FBXL18: variants seen among roughly 807,000 people sequenced by gnomAD.
The protein encoded by FBXL18 is F-box and leucine rich repeat protein 18.
FBXL18 carries 36 observed loss-of-function variants against 46.0 expected under a neutral mutation model. The observed-to-expected ratio is 0.78, with a 90% CI of 0.60 to 1.03. The LOEUF (loss-of-function observed/expected upper bound fraction) is 1.03. FBXL18 is among the 50% of genes least tolerant of loss of function. FBXL18 has a pLI of 0.00. For synonymous variants in FBXL18, 557 were observed against 465.3 expected (o/e 1.20, Z -2.54); for missense variants, 977 against 1,004.1 (o/e 0.97, Z 0.36).
In FBXL18 at chr7:5,501,672, G is replaced by C; in HGVS notation, c.597C>G (p.Leu199=). The C allele has an allele frequency of 6.2e-7, 1 of 1,609,256 alleles. No homozygotes were observed. The highest frequency in any genetic ancestry group is 8.5e-7 in the Non-Finnish European group (1 of 1,177,502). Residue 199 remains leucine, a synonymous_variant, in exon 3 of 5, where the codon CTC becomes CTG. Coordinates refer to ENST00000382368, the MANE Select transcript of FBXL18 (RefSeq NM_024963.6). The part of the protein sequence containing the change: ...PCCTSLEKLL[L]YFEILDRTRE... ...GCGTGCGGTCCAGAATCTCGAAGTA[G>C]AGCAGCAGCTTCTCTAGGCTGGTGC...
intron 1 of FBXL18, among the ~76,000 whole-genome samples, chr7:5,507,301 T>C (rs1230757151): frequency 1.3e-5 from 2 of 152,252 alleles, no homozygotes; most frequent in Admixed American, 6.6e-5. Context: ...GAACTCTGAC[T>C]GCGACAGTCC....
intron 4 of FBXL18, among the ~76,000 whole-genome samples, chr7:5,470,428 C>T (rs1201217057): frequency 1.3e-5 from 2 of 152,132 alleles, no homozygotes; most frequent in African/African-American, 4.8e-5. Flanking sequence ...CATCAGAGTT[C>T]CCAAGACACC....
At chr7:5,469,594 A>G (rs1783396884) in intron 4 of FBXL18, among the ~76,000 whole-genome samples, 1 of 151,112 alleles carries the variant, frequency 6.6e-6, no homozygotes, top group Admixed American at 6.6e-5. Flanking sequence ...TGCTGCGTGG[A>G]GATGAGAACG....
chr7:5,469,527 G>A (rs1783395561), intron 4 of FBXL18, among the ~76,000 whole-genome samples: 1 of 152,174 alleles, frequency 6.6e-6, no homozygotes, highest in Admixed American at 6.6e-5. Context: ...GTGTGAATGT[G>A]TGAGCTATCA....
Position 5,477,431 on chromosome 7 carries a change from G to A in FBXL18, c.*4344C>T, listed in dbSNP as rs1014073017. On this transcript the variant is annotated 3_prime_UTR_variant, in exon 5 of 5. Transcript: ENST00000382368. The surrounding 1 kb of genome is among the most constrained non-coding windows in gnomAD (Gnocchi z 4.4). The stretch of plus-strand genomic sequence containing the variant: ...AAGAGCTCTGTAATGCGCCAGGCAC[G>A]GTGGCTCACACCTGTTATCCTAGCA... 1.3e-5 allele frequency among the ~76,000 whole-genome samples: 2 copies of A among 152,092 alleles called. No homozygotes were observed. The highest frequency in any genetic ancestry group is 6.6e-5 in the Admixed American group (1 of 15,258).
At chr7:5,458,786 G>A (rs1019722804) in intron 4 of FBXL18, among the ~76,000 whole-genome samples, 4 of 152,132 alleles carry the variant, frequency 2.6e-5, no homozygotes, top group Non-Finnish European at 5.9e-5. Context: ...ACTTGAACCC[G>A]GAGGCAAACA....
At chr7:5,511,038 T>G (rs1011105949) in intron 1 of FBXL18, among the ~76,000 whole-genome samples, 2 of 152,244 alleles carry the variant, frequency 1.3e-5, no homozygotes, top group African/African-American at 2.4e-5. Flanking sequence ...AACCCTTCCT[T>G]TGTAGAGATG....
At position 5,461,661 on chromosome 7, in the gene FBXL18, C is replaced by T. The variant is rs184151027; in HGVS notation, c.2001-13818G>A. Among the ~76,000 whole-genome samples, 6 of 152,092 alleles carry T rather than the reference C, an allele frequency of 3.9e-5. No individual in the cohort carries two copies. In the East Asian group the frequency reaches 9.7e-4, roughly 25 times the overall value. On this transcript the variant is annotated intron_variant and NMD_transcript_variant, in intron 4 of 6. Coordinates refer to the FBXL18 transcript ENST00000415009. ...CTGTCTCTAAAAGAAACAAAATTGG[C>T]CAGGCGCAGTGGCTCATGCCTGTAA...
At chr7:5,472,295 A>G (rs1783438441), downstream of FBXL18, among the ~76,000 whole-genome samples, 1 of 152,118 alleles carries the variant, frequency 6.6e-6, no homozygotes, top group South Asian at 2.1e-4. Flanking sequence ...GTCTTCTGCA[A>G]TGACAGCTCA....
At chr7:5,463,721 T>TATATA (rs1323348299) in intron 4 of FBXL18, among the ~76,000 whole-genome samples, 32 of 69,912 alleles carry the variant, frequency 4.6e-4, no homozygotes, top group Non-Finnish European at 6.3e-4. Flanking sequence ...TATTTATTTA[T>TATATA]TTATTTATTT....
chr7:5,502,627 T>C (rs1366277926), intron 2 of FBXL18, among the ~76,000 whole-genome samples: 1 of 150,046 alleles, frequency 6.7e-6, no homozygotes, highest in Non-Finnish European at 1.5e-5. Context: ...GGTCAGGAGG[T>C]CGAGACCATC....
chr7:5,484,816 T>C (rs1783734243), intron 4 of FBXL18, among the ~76,000 whole-genome samples: 1 of 151,966 alleles, frequency 6.6e-6, no homozygotes, highest in African/African-American at 2.4e-5. Context: ...TTTTTGTATC[T>C]TTAGTAGAGA....
chr7:5,496,604 G>A lies in FBXL18; in HGVS notation c.1781+3884C>T, dbSNP rs572774135. Among the ~76,000 whole-genome samples, 62 of 152,308 alleles carry A rather than the reference G, an allele frequency of 4.1e-4. No homozygotes were observed. The highest frequency in any genetic ancestry group is 1.3e-3 in the African/African-American group (55 of 41,572). On this transcript the variant is annotated intron_variant, in intron 3 of 4. Coordinates refer to ENST00000382368, the MANE Select transcript of FBXL18 (RefSeq NM_024963.6). This position sits in a 1 kb window ranked among gnomAD's most constrained non-coding sequence, Gnocchi z 4.8. ...CCACACTTAACAGACTCTCCGGACC[G>A]GGCACAGTGGCTCACACCTGTGATC... is the stretch of plus-strand genomic sequence containing the variant.
chr7:5,467,386 A>AT lies in FBXL18; in HGVS notation c.2001-19544_2001-19543insA, dbSNP rs1003123684. On this transcript the variant is annotated intron_variant and NMD_transcript_variant, in intron 4 of 6. Coordinates refer to the FBXL18 transcript ENST00000415009. ...AATAATAAATAATAAATAATAAATAAAAATAAAAAATTAGCTGGGTGTGGT... is the reference window on the plus strand; with the variant it reads ...AATAATAAATAATAAATAATAAATAATAAATAAAAAATTAGCTGGGTGTGGT... 1.6e-4 allele frequency among the ~76,000 whole-genome samples: 24 copies of AT among 151,008 alleles called. No homozygotes were observed. The East Asian group carries it at 1.9e-3, about 12-fold the overall frequency.
chr7:5,478,916 G>C lies in FBXL18; in HGVS notation c.*2859C>G, dbSNP rs554257907. 3.5e-4 allele frequency: 54 copies of C among 152,422 alleles called. No homozygotes were observed. Among genetic ancestry groups the C allele is most frequent in the African/African-American group, 1.2e-3 (48 of 41,598 alleles). 9.4% of individuals were successfully genotyped at this position (152,422 alleles called of 1,614,324 possible). A position where few individuals can be genotyped will look rare whatever the true frequency, so the allele number is the denominator to read the frequency against. On this transcript the variant is annotated 3_prime_UTR_variant, in exon 5 of 5. Coordinates refer to ENST00000382368, the MANE Select transcript of FBXL18 (RefSeq NM_024963.6). ...GCTGACCACGCTCCTCCAGCAGGCA[G>C]CATATGGTCTGCTGCTTAACAGCCG...
intron 4 of FBXL18, among the ~76,000 whole-genome samples, chr7:5,463,888 G>A (rs1783302711): frequency 6.6e-6 from 1 of 151,178 alleles, no homozygotes; most frequent in South Asian, 2.1e-4. Context: ...TTACAGGCGT[G>A]CGCCACCACA....
intron 3 of FBXL18, chr7:5,495,945 C>T: frequency 2.1e-6 from 1 of 466,476 alleles, no homozygotes; most frequent in South Asian, 1.6e-5. Flanking sequence ...GCATTATGAG[C>T]AGGGTCGGTC....
chr7:5,491,136 C>T (rs1783910331), intron 4 of FBXL18, 95 bp downstream of exon 4: 1 of 1,187,062 alleles, frequency 8.4e-7, no homozygotes, highest in African/African-American at 1.5e-5. Context: ...TTCCAAGAAA[C>T]CACTGGTAGG....
chr7:5,464,038 C>T (rs979446096), intron 4 of FBXL18, among the ~76,000 whole-genome samples: 24 of 152,126 alleles, frequency 1.6e-4, no homozygotes, highest in Non-Finnish European at 1.5e-5. Context: ...GCGCACCTGG[C>T]CTGAACTATA....
Sources: allele counts gnomAD v4.1 joint callset (sites outside exome capture counted in the v4.1 genomes callset), GRCh38; gene constraint gnomAD v4.1.1; non-coding constraint Gnocchi (gnomAD v3.1); transcripts MANE v1.5; gene names NCBI Gene and HGNC (gene_info 2026-07-23, HGNC 2026-07-21).